The following RAB27B variants were observed in gnomAD, a reference collection of about 807,000 sequenced individuals.
RAB27B encodes ras-related protein Rab-27B.
A neutral mutation model predicts 24.6 loss-of-function variants in RAB27B; 15 were observed. The observed-to-expected ratio is 0.61, with a 90% CI of 0.41 to 0.94. The LOEUF (loss-of-function observed/expected upper bound fraction) is 0.94. Ranked by LOEUF, RAB27B falls within the 40% of genes least tolerant of loss-of-function variation. The pLI, the probability that RAB27B is intolerant of heterozygous loss-of-function variation, is 0.00. For synonymous variants in RAB27B, 105 were observed against 92.5 expected, an observed-to-expected ratio of 1.14 and a Z score of -0.78; for missense variants, 261 against 266.8, an observed-to-expected ratio of 0.98 and a Z score of 0.15.
chr18:54,805,448 ATT>A (rs1386119391), intron 2 of RAB27B, among the ~76,000 whole-genome samples: 1 of 152,152 alleles, frequency 6.6e-6, no homozygotes, highest in Non-Finnish European at 1.5e-5. Context: ...ATGTCTTCCT[ATT>A]TAAAATGTCA....
chr18:54,774,866 C>T (rs1908666868), intron 2 of RAB27B, among the ~76,000 whole-genome samples: 1 of 152,182 alleles, frequency 6.6e-6, no homozygotes, highest in Non-Finnish European at 1.5e-5. Flanking sequence ...TATTCTCAGC[C>T]TCCCCTCACG....
At chr18:54,814,202 A>G (rs1346015619) in intron 2 of RAB27B, among the ~76,000 whole-genome samples, 2 of 152,224 alleles carry the variant, frequency 1.3e-5, no homozygotes, top group East Asian at 1.9e-4. Context: ...CAGATAATAA[A>G]TATTTCAGAC....
intron 1 of RAB27B, among the ~76,000 whole-genome samples, chr18:54,850,227 ATATAAT>A (rs1410540390): frequency 1.3e-5 from 2 of 151,182 alleles, no homozygotes; most frequent in African/African-American, 2.4e-5. Context: ...TTTATTCTAA[ATATAAT>A]TATATTTGCA....
intron 2 of RAB27B, among the ~76,000 whole-genome samples, chr18:54,813,771 C>T (rs1410963827): frequency 2.0e-5 from 3 of 152,142 alleles, no homozygotes; most frequent in Non-Finnish European, 2.9e-5. Flanking sequence ...TATGTCAATT[C>T]ACCTCAAATC....
At chr18:54,800,461 G>A (rs905695142) in intron 2 of RAB27B, among the ~76,000 whole-genome samples, 5 of 152,160 alleles carry the variant, frequency 3.3e-5, no homozygotes, top group Non-Finnish European at 5.9e-5. Context: ...CCCCACCAAT[G>A]CTCCACAGCA....
At chr18:54,750,169 C>T (rs1033636241) in intron 2 of RAB27B, among the ~76,000 whole-genome samples, 4 of 152,120 alleles carry the variant, frequency 2.6e-5, no homozygotes, top group African/African-American at 9.7e-5. Context: ...GAACTGCTTC[C>T]TTCCATTTTT....
intron 1 of RAB27B, among the ~76,000 whole-genome samples, chr18:54,867,012 T>C (rs1451846333): frequency 6.6e-6 from 1 of 152,126 alleles, no homozygotes; most frequent in East Asian, 1.9e-4. Context: ...AAGTAGCACG[T>C]GGCAACTAGT....
At chr18:54,832,162 T>C (rs1383049427) in intron 1 of RAB27B, among the ~76,000 whole-genome samples, 1 of 152,172 alleles carries the variant, frequency 6.6e-6, no homozygotes, top group African/African-American at 2.4e-5. Flanking sequence ...GTTAGGAGGC[T>C]ATTCCAGTAG....
At chr18:54,757,597 C>A (rs377727295) in intron 2 of RAB27B, among the ~76,000 whole-genome samples, 1 of 151,996 alleles carries the variant, frequency 6.6e-6, no homozygotes, top group South Asian at 2.1e-4. Context: ...TCACTAAGAA[C>A]TGAATATGAA....
At chr18:54,773,282 G>C (rs1357102548) in intron 2 of RAB27B, among the ~76,000 whole-genome samples, 1 of 152,188 alleles carries the variant, frequency 6.6e-6, no homozygotes, top group Non-Finnish European at 1.5e-5. Context: ...TCTCTTCAAA[G>C]ATGCTCTTGA....
rs188406872 is a variant in RAB27B, at chr18:54,841,943, C to G, written c.-20+13243C>G. Among the ~76,000 whole-genome samples, 650 of 152,304 alleles carry G rather than the reference C, an allele frequency of 4.3e-3. 11 individuals carry two copies. Among genetic ancestry groups the G allele is most frequent in the Admixed American group, 0.024 (361 of 15,302 alleles). ...CACAATTAAGGATTTAGACAATTCA[C>G]AGGGATCACAGACAACAGCTTGACT... On this transcript the variant is annotated intron_variant, in intron 1 of 5. Coordinates refer to ENST00000262094, the MANE Select transcript of RAB27B (RefSeq NM_004163.4).
At position 54,806,038 on chromosome 18, in the gene RAB27B, T is replaced by G. The variant is rs373938309; in HGVS notation, c.-19-71529T>G. Among the ~76,000 whole-genome samples, 119 of 152,294 alleles carry G rather than the reference T, an allele frequency of 7.8e-4. 1 individual carries two copies. Among genetic ancestry groups the G allele is most frequent in the African/African-American group, 2.7e-3 (111 of 41,566 alleles). On this transcript the variant is annotated intron_variant, in intron 2 of 4. Coordinates refer to the RAB27B transcript ENST00000586570. ...ATTTAGCTGTTTCATCATGACCCAT[T>G]GTGAAAATATGAATGATATACTTAG...
chr18:54,872,386 G>A (rs1912506772), intron 1 of RAB27B, among the ~76,000 whole-genome samples: 1 of 152,096 alleles, frequency 6.6e-6, no homozygotes, highest in Non-Finnish European at 1.5e-5. Context: ...AGCACTTTGG[G>A]AGGCCGAGGC....
At chr18:54,723,525 T>C (rs1909427172) in intron 2 of RAB27B, among the ~76,000 whole-genome samples, 2 of 152,202 alleles carry the variant, frequency 1.3e-5, no homozygotes, top group Non-Finnish European at 2.9e-5. Context: ...ATCCCACATA[T>C]AGTATAATCC....
In RAB27B at chr18:54,772,116, G is replaced by A. The variant is rs369002202; in HGVS notation, c.-20+53975G>A. On this transcript the variant is annotated intron_variant, in intron 2 of 4. Coordinates refer to the RAB27B transcript ENST00000586570. ...TATTTCTAATGATGAGTTTCTTTAG[G>A]GAATGTGTCTCGTCACCTCTAGTGA... 1.4e-3 allele frequency among the ~76,000 whole-genome samples: 213 copies of A among 152,172 alleles called. 4 individuals carry two copies. In the South Asian group the frequency reaches 0.028, roughly 20 times the overall value.
At chr18:54,820,452 C>G (rs1189820589) in intron 2 of RAB27B, among the ~76,000 whole-genome samples, 1 of 152,140 alleles carries the variant, frequency 6.6e-6, no homozygotes, top group African/African-American at 2.4e-5. Flanking sequence ...CGTTTGCCCA[C>G]TTTTTGATGG....
At chr18:54,817,168 C>G (rs1182304350) in intron 2 of RAB27B, among the ~76,000 whole-genome samples, 3 of 152,166 alleles carry the variant, frequency 2.0e-5, no homozygotes, top group Admixed American at 2.0e-4. Flanking sequence ...CAGATTCATT[C>G]AGTTATTTAC....
rs1913518828 is a variant in RAB27B at position 54,895,125 on chromosome 18, TTAG to T, written c.*5714_*5716del. ...AAAAAAATAAATTATCCTGCTTTAGTTAGTGTGTTAAAAGTAGACGATGTTCTA... is the reference window on the plus strand; with the variant it reads ...AAAAAAATAAATTATCCTGCTTTAGTTGTGTTAAAAGTAGACGATGTTCTA... On this transcript the variant is annotated 3_prime_UTR_variant, in exon 6 of 6. Transcript: ENST00000262094. 1.1e-3 allele frequency: 1 copy of T among 926 alleles called. No individual in the cohort carries two copies. The highest frequency in any genetic ancestry group is 1.8e-3 in the African/African-American group (1 of 556). 0.1% of individuals were successfully genotyped at this position (926 alleles called of 1,614,324 possible). A position where few individuals can be genotyped will look rare whatever the true frequency, so the allele number is the denominator to read the frequency against.
intron 2 of RAB27B, among the ~76,000 whole-genome samples, chr18:54,794,140 T>C (rs1227903715): frequency 2.0e-5 from 3 of 152,200 alleles, no homozygotes; most frequent in Non-Finnish European, 4.4e-5. Context: ...GCTTCAGTTT[T>C]TCTATCTGTA....
Sources: allele counts gnomAD v4.1 joint callset (sites outside exome capture counted in the v4.1 genomes callset), GRCh38; gene constraint gnomAD v4.1.1; transcripts MANE v1.5; gene names NCBI Gene and HGNC (gene_info 2026-07-23, HGNC 2026-07-21).